The following SYT9 variants were observed in gnomAD, a reference collection of about 807,000 sequenced individuals.
SYT9 encodes the protein synaptotagmin-9.
In SYT9, 22 loss-of-function variants were observed where a neutral mutation model predicts 48.4. The observed-to-expected ratio is 0.45, with a 90% confidence interval of 0.32 to 0.65. SYT9 has a LOEUF of 0.65. Among genes scored for constraint, SYT9 ranks in the 30% least tolerant of loss-of-function variants. SYT9 has a pLI of 0.03. For synonymous variants in SYT9, 265 were observed against 245.0 expected, an observed-to-expected ratio of 1.08 and a Z score of -0.76; for missense variants, 577 against 622.0, an observed-to-expected ratio of 0.93 and a Z score of 0.77.
At chr11:7,294,450 T>C (rs1013344286) in intron 1 of SYT9, among the ~76,000 whole-genome samples, 1 of 152,242 alleles carries the variant, frequency 6.6e-6, no homozygotes, top group Non-Finnish European at 1.5e-5. Flanking sequence ...TGATTTATCC[T>C]GAGGCAAATT....
intron 1 of SYT9, among the ~76,000 whole-genome samples, chr11:7,254,869 A>G (rs895111542): frequency 2.6e-5 from 4 of 152,146 alleles, no homozygotes; most frequent in Non-Finnish European, 4.4e-5. Flanking sequence ...GAGGTGTGGA[A>G]AGACTAGGGC....
At chr11:7,376,314 CTCTCTA>C (rs1268971973) in intron 3 of SYT9, among the ~76,000 whole-genome samples, 2 of 144,522 alleles carry the variant, frequency 1.4e-5, no homozygotes, top group Non-Finnish European at 3.1e-5. Context: ...TCCTTTCTCT[CTCTCTA>C]TCTCTCTTTC....
intron 3 of SYT9, among the ~76,000 whole-genome samples, chr11:7,385,498 G>A (rs1325372774): frequency 6.6e-6 from 1 of 151,958 alleles, no homozygotes; most frequent in Non-Finnish European, 1.5e-5. Flanking sequence ...CCTGGCAGTG[G>A]TGTAGGAAGG....
In SYT9 at chr11:7,251,924, G is replaced by T. The variant is rs1589886012; in HGVS notation, c.-263G>T. 7.8e-6 allele frequency: 3 copies of T among 385,838 alleles called. No individual in the cohort carries two copies. Among genetic ancestry groups the T allele is most frequent in the Non-Finnish European group, 1.4e-5 (3 of 217,094 alleles). 23.9% of individuals were successfully genotyped at this position (385,838 alleles called of 1,614,324 possible). On this transcript the variant is annotated 5_prime_UTR_variant, in exon 1 of 7. Coordinates refer to ENST00000318881, the MANE Select transcript of SYT9 (RefSeq NM_175733.4). ...GAGGCGCTCTGGGCTGTGCGGCACC[G>T]CCTCTCCTCGGTGTCTGGGGAGGGA... is the stretch of plus-strand genomic sequence containing the variant.
At chr11:7,450,166 TTAAC>T (rs1759066712) in intron 6 of SYT9, among the ~76,000 whole-genome samples, 1 of 152,228 alleles carries the variant, frequency 6.6e-6, no homozygotes, top group South Asian at 2.1e-4. Context: ...AAGCTGAGGC[TTAAC>T]TAATTTATCC....
At chr11:7,430,981 C>T (rs1266042008) in intron 6 of SYT9, among the ~76,000 whole-genome samples, 1 of 152,128 alleles carries the variant, frequency 6.6e-6, no homozygotes, top group African/African-American at 2.4e-5. Context: ...AATAAAGATA[C>T]TTGAAAATGT....
intron 3 of SYT9, among the ~76,000 whole-genome samples, chr11:7,413,421 C>T (rs1847178084): frequency 6.6e-6 from 1 of 152,176 alleles, no homozygotes; most frequent in Non-Finnish European, 1.5e-5. Flanking sequence ...GAAGCAATAC[C>T]ACTGTGCAAT....
chr11:7,457,564 T>G (rs952205135), intron 6 of SYT9: 8 of 152,228 alleles, frequency 5.3e-5, no homozygotes, highest in African/African-American at 1.9e-4. Context: ...CAAGTTTTAC[T>G]TACTGATTTC....
chr11:7,253,830 G>C (rs1847916902), intron 1 of SYT9, among the ~76,000 whole-genome samples: 1 of 152,176 alleles, frequency 6.6e-6, no homozygotes, highest in Admixed American at 6.5e-5. Flanking sequence ...TTAAGTCGGG[G>C]AAGTTCGTCC....
At chr11:7,251,280 G>T (rs1314613422), upstream of SYT9, among the ~76,000 whole-genome samples, 10 of 137,690 alleles carry the variant, frequency 7.3e-5, no homozygotes, top group Non-Finnish European at 1.1e-4. Flanking sequence ...GCAATGTTTG[G>T]ATTTCCAAAC....
chr11:7,420,422 A>C, intron 5 of SYT9, 84 bp from the exon 6 acceptor site: 3 of 1,445,920 alleles, frequency 2.1e-6, no homozygotes, highest in Middle Eastern at 1.8e-4. Context: ...CCACATCCCC[A>C]ATTCCTTCAT....
At chr11:7,320,872 G>T (rs1374962501) in intron 3 of SYT9, among the ~76,000 whole-genome samples, 1 of 152,212 alleles carries the variant, frequency 6.6e-6, no homozygotes, top group East Asian at 1.9e-4. Flanking sequence ...CAGTCAGCAA[G>T]AGAGAAGACA....
intron 1 of SYT9, among the ~76,000 whole-genome samples, chr11:7,289,162 C>T (rs79351319): frequency 0.042 from 6,365 of 152,282 alleles, 177 homozygotes; most frequent in East Asian, 0.099. Flanking sequence ...CCTCTTTCCT[C>T]AGTATTTGTT....
chr11:7,461,541 T>G (rs1455064245), intron 6 of SYT9, among the ~76,000 whole-genome samples: 1 of 152,054 alleles, frequency 6.6e-6, no homozygotes, highest in South Asian at 2.1e-4. Context: ...CCCAGCTAAT[T>G]TTTGTATTTT....
At chr11:7,394,964 T>G (rs1846720398) in intron 3 of SYT9, among the ~76,000 whole-genome samples, 1 of 152,192 alleles carries the variant, frequency 6.6e-6, no homozygotes, top group African/African-American at 2.4e-5. Context: ...GTTGTTTAAT[T>G]TACATGTAAA....
At chr11:7,463,241 G>C (rs915362657) in intron 6 of SYT9, among the ~76,000 whole-genome samples, 3 of 152,134 alleles carry the variant, frequency 2.0e-5, no homozygotes, top group African/African-American at 7.2e-5. Flanking sequence ...ATGCTCAACA[G>C]TTATTAAACC....
intron 3 of SYT9, among the ~76,000 whole-genome samples, chr11:7,407,380 T>TGTACATGAGAAGCCATAGGTATCCAG (rs1453648920): frequency 3.2e-4 from 22 of 68,398 alleles, no homozygotes; most frequent in South Asian, 6.7e-4. Context: ...TTTTTTTTTT[T>TGTACATGAGAAGCCATAGGTATCCAG]TTTTTTTTTT....
intron 6 of SYT9, chr11:7,440,670 C>G (rs912251152): frequency 5.3e-5 from 8 of 152,196 alleles, no homozygotes; most frequent in Non-Finnish European, 7.3e-5. Flanking sequence ...CTTTGGAACT[C>G]TGGAAGACTG....
chr11:7,254,832 C>A (rs923290876), intron 1 of SYT9, among the ~76,000 whole-genome samples: 1 of 152,148 alleles, frequency 6.6e-6, no homozygotes, highest in South Asian at 2.1e-4. Flanking sequence ...AGTGACCCTG[C>A]ATCTAGGAAA....
Sources: gnomAD v4.1 joint callset for allele counts (sites outside exome capture counted in the v4.1 genomes callset) on GRCh38, gnomAD v4.1.1 for gene constraint, MANE v1.5 for transcripts, NCBI Gene and HGNC (gene_info 2026-07-23, HGNC 2026-07-21) for gene names.